The following PI4KA variants were observed in gnomAD, a reference collection of about 807,000 sequenced individuals.
The protein encoded by PI4KA is PI4-kinase alpha.
In PI4KA, 122 loss-of-function variants were observed where a neutral mutation model predicts 271.4. That is an observed-to-expected ratio of 0.45 (90% CI 0.39 to 0.52). The LOEUF (loss-of-function observed/expected upper bound fraction) is 0.52, where lower values mean the gene tolerates loss of function less well. PI4KA is among the 20% of genes least tolerant of loss of function. The probability of loss-of-function intolerance (pLI) is 0.00; values close to 1 mark genes in which losing one functional copy is unlikely to be tolerated. For synonymous variants in PI4KA, 1,041 were observed against 1,078.8 expected (o/e 0.96, Z 0.69); for missense variants, 1,969 against 2,769.1 (o/e 0.71, Z 6.48).
At position 20,729,514 on chromosome 22, in the gene PI4KA, G is replaced by A. The variant is rs187936821; in HGVS notation, c.4489-8C>T. 5.1e-6 allele frequency: 8 copies of A among 1,577,822 alleles called. No homozygotes were observed. In the East Asian group the frequency reaches 1.6e-4, roughly 32 times the overall value. The stretch of plus-strand genomic sequence containing the variant: ...ACGCTCGATCTCAGTGGCCTGGCAA[G>A]ATAAGACATAAGGCCTGATATGCAC... On this transcript the variant is annotated splice_polypyrimidine_tract_variant and splice_region_variant and intron_variant, in intron 38 of 54. Coordinates refer to ENST00000255882, the MANE Select transcript of PI4KA (RefSeq NM_058004.4).
intron 7 of PI4KA, among the ~76,000 whole-genome samples, chr22:20,816,090 C>A (rs1162170734): frequency 2.6e-5 from 4 of 152,012 alleles, no homozygotes; most frequent in African/African-American, 9.7e-5. Context: ...TAGGTGTGAG[C>A]CACTGCACCC....
chr22:20,716,954 T>C (rs1010714470), intron 45 of PI4KA, among the ~76,000 whole-genome samples: 7 of 152,156 alleles, frequency 4.6e-5, no homozygotes, highest in South Asian at 2.1e-4. Context: ...TAGTTAGAAA[T>C]GCAGAGAGAG....
intron 42 of PI4KA, among the ~76,000 whole-genome samples, chr22:20,722,219 G>C (rs1926821268): frequency 6.6e-6 from 1 of 152,038 alleles, no homozygotes; most frequent in Non-Finnish European, 1.5e-5. Context: ...CAGAGTCTCG[G>C]TCTGTCACCC....
At chr22:20,768,335 G>A (rs1932718302) in intron 19 of PI4KA, among the ~76,000 whole-genome samples, 1 of 152,122 alleles carries the variant, frequency 6.6e-6, no homozygotes, top group South Asian at 2.1e-4. Context: ...GCCTCCCCAA[G>A]TGTTGGAATT....
chr22:20,801,678 G>A (rs543901457), intron 14 of PI4KA, among the ~76,000 whole-genome samples: 1 of 152,074 alleles, frequency 6.6e-6, no homozygotes, highest in East Asian at 1.9e-4. Flanking sequence ...GAGGTCAGGA[G>A]TTCGAGACCA....
Position 20,764,846 on chromosome 22 carries a change from G to A in PI4KA, c.2679C>T (p.Leu893=), listed in dbSNP as rs1932363075. ...NKLDFAMSTY[L]LSVYRLEYMR... ...TGTACTCCAGCCGGTACACAGAGAG[G>A]AGGTAGGTGGACATGGCGAAGTCCA... The change falls in exon 22 of 55, where the codon CTC becomes CTT. Residue 893 remains leucine, a synonymous_variant. Transcript: ENST00000255882. The A allele has an allele frequency of 6.2e-7, 1 of 1,613,578 alleles. No individual in the cohort carries two copies. Among genetic ancestry groups the A allele is most frequent in the Non-Finnish European group, 8.5e-7 (1 of 1,179,748 alleles).
At chr22:20,808,683 CATT>C (rs1366328457) in intron 9 of PI4KA, among the ~76,000 whole-genome samples, 175 of 149,898 alleles carry the variant, frequency 1.2e-3, no homozygotes, top group African/African-American at 4.1e-3. Flanking sequence ...TCGTTTTTTT[CATT>C]TTTTTTTTTA....
chr22:20,799,306 C>A, intron 15 of PI4KA, 30 bp from the exon 16 acceptor site: 1 of 1,502,644 alleles, frequency 6.7e-7, no homozygotes, highest in Non-Finnish European at 8.9e-7. Context: ...AGCGCCCTAG[C>A]AACAGTCCCT....
chr22:20,774,373 T>G (rs542834705), intron 19 of PI4KA, among the ~76,000 whole-genome samples: 148 of 152,296 alleles, frequency 9.7e-4, no homozygotes, highest in Non-Finnish European at 1.7e-3. Context: ...ATGAAAATAT[T>G]GTACTTATAT....
At chr22:20,784,135 G>A (rs754404216) in intron 19 of PI4KA, 9 of 1,614,184 alleles carry the variant, frequency 5.6e-6, no homozygotes, top group South Asian at 1.1e-5. Flanking sequence ...AATACGTGGG[G>A]GGCATCAGCA....
At chr22:20,779,951 T>TTTTG in intron 19 of PI4KA, 1 of 1,614,188 alleles carries the variant, frequency 6.2e-7, no homozygotes, top group Non-Finnish European at 8.5e-7. Flanking sequence ...TCAGGAGGAA[T>TTTTG]TTTGGGTACA....
intron 42 of PI4KA, chr22:20,721,645 C>T (rs187382720): frequency 1.1e-4 from 56 of 522,442 alleles, no homozygotes; most frequent in Non-Finnish European, 1.6e-4. Flanking sequence ...GCAAAGCGGG[C>T]GACAGTCAGC....
At chr22:20,768,701 G>T (rs1026575459) in intron 19 of PI4KA, among the ~76,000 whole-genome samples, 1 of 152,198 alleles carries the variant, frequency 6.6e-6, no homozygotes, top group African/African-American at 2.4e-5. Context: ...AGCCGCCAGG[G>T]CACTGTGTCC....
chr22:20,770,513 C>CAA (rs1178691364), intron 19 of PI4KA, among the ~76,000 whole-genome samples: 8 of 13,196 alleles, frequency 6.1e-4, no homozygotes, highest in African/African-American at 7.3e-4. Flanking sequence ...AACTCCGTCT[C>CAA]AAAAAAAAAA....
intron 3 of PI4KA, among the ~76,000 whole-genome samples, chr22:20,824,767 CACACACACACACAA>C (rs1923168954): frequency 6.9e-6 from 1 of 145,744 alleles, no homozygotes; most frequent in Admixed American, 6.9e-5. Context: ...CACACACACA[CACACACACACACAA>C]AACACTCGGC....
intron 45 of PI4KA, among the ~76,000 whole-genome samples, chr22:20,715,903 T>C (rs961920488): frequency 3.3e-5 from 5 of 151,366 alleles, no homozygotes; most frequent in Non-Finnish European, 5.9e-5. Flanking sequence ...TTGTTTTTGC[T>C]TTTTTGAGAT....
In PI4KA at chr22:20,824,317, C is replaced by T. The variant is rs755478477; in HGVS notation, c.456+9G>A. ...GAAATGCATACCAAATCAACCAACA[C>T]ATGCTTACCTCATCCCTAAGTGAAG... On this transcript the variant is annotated intron_variant, in intron 4 of 54. Transcript: ENST00000255882. The T allele has an allele frequency of 1.3e-6, 2 of 1,575,808 alleles. No homozygotes were observed. Among genetic ancestry groups the T allele is most frequent in the South Asian group, 2.2e-5 (2 of 90,302 alleles).
chr22:20,833,589 A>ATGAG (rs1274164116), intron 3 of PI4KA, among the ~76,000 whole-genome samples: 3 of 151,296 alleles, frequency 2.0e-5, no homozygotes, highest in Admixed American at 2.0e-4. Flanking sequence ...CAGAATGTTA[A>ATGAG]TGAGAACAGC....
chr22:20,710,209 G>A (rs2147162300), intron 52 of PI4KA: 1 of 622,820 alleles, frequency 1.6e-6, no homozygotes, highest in East Asian at 2.8e-5. Context: ...CACGCACTCT[G>A]GACAGGCTGA....
Sources: gnomAD v4.1 joint callset for allele counts (sites outside exome capture counted in the v4.1 genomes callset) on GRCh38, gnomAD v4.1.1 for gene constraint, MANE v1.5 for transcripts, NCBI Gene and HGNC (gene_info 2026-07-23, HGNC 2026-07-21) for gene names.